The following SLC2A5 variants were observed in gnomAD, a reference collection of about 807,000 sequenced individuals.
SLC2A5 encodes the protein solute carrier family 2 member 5, also known as solute carrier family 2, facilitated glucose transporter member 5.
SLC2A5 carries 56 observed loss-of-function variants against 50.3 expected under a neutral mutation model. The observed-to-expected ratio is 1.11, with a 90% confidence interval of 0.90 to 1.39. SLC2A5 has a LOEUF of 1.39. Ranked by LOEUF, SLC2A5 falls within the 40% of genes most tolerant of loss-of-function variation. SLC2A5 has a pLI of 0.00. For synonymous variants in SLC2A5, 269 were observed against 281.9 expected (o/e 0.95, Z 0.46); for missense variants, 566 against 650.1 (o/e 0.87, Z 1.41).
At position 9,058,194 on chromosome 1, in the gene SLC2A5, G is replaced by A. The variant is rs1337270408; in HGVS notation, c.90C>T (p.Phe30=). 1 of 1,613,986 alleles carries A rather than the reference G, an allele frequency of 6.2e-7. No homozygotes were observed. The highest frequency in any genetic ancestry group is 1.7e-5 in the Admixed American group (1 of 59,998). The change falls in exon 2 of 12, where the codon TTC becomes TTT. Residue 30 remains phenylalanine, a synonymous_variant. Transcript: ENST00000377424. ...ATLIAAFGSS[F]QYGYNVAAVN... ...CAGCAGCCACGTTGTACCCATACTGGAAGGATGACCCAAAGGCAGCTATCA... is the reference window on the plus strand; with the variant it reads ...CAGCAGCCACGTTGTACCCATACTGAAAGGATGACCCAAAGGCAGCTATCA...
At position 9,040,423 on chromosome 1, in the gene SLC2A5, G is replaced by T; in HGVS notation, c.572-234C>A. 1 of 542,154 alleles carries T rather than the reference G, an allele frequency of 1.8e-6. No individual in the cohort carries two copies. Among genetic ancestry groups the T allele is most frequent in the Non-Finnish European group, 3.3e-6 (1 of 305,442 alleles). The allele number at this position is 542,154 out of a possible 1,614,324, so 33.6% of individuals were successfully genotyped here. A position where few individuals can be genotyped will look rare whatever the true frequency, so the allele number is the denominator to read the frequency against. On this transcript the variant is annotated intron_variant, in intron 5 of 11. Transcript: ENST00000377424. The surrounding 1 kb of genome is among the most constrained non-coding windows in gnomAD (Gnocchi z 4.3). ...TCAGACAGACCACACCGACGAGGCC[G>T]GTAATACCATGTGCTGGTGAGAACG...
At chr1:9,041,216 G>A (rs530007841) in intron 5 of SLC2A5, 13 of 396,538 alleles carry the variant, frequency 3.3e-5, no homozygotes, top group Middle Eastern at 6.2e-4. Flanking sequence ...AGGGAAAGTC[G>A]TGCAAAAACA....
At chr1:9,081,294 A>C (rs1642349502) in intron 2 of SLC2A5, among the ~76,000 whole-genome samples, 3 of 149,848 alleles carry the variant, frequency 2.0e-5, no homozygotes, top group African/African-American at 7.4e-5. Context: ...AAAAAAAAAA[A>C]ACACGACCAA....
At chr1:9,047,885 G>A in intron 3 of SLC2A5, 151 bp from the exon 4 acceptor site, 1 of 760,412 alleles carries the variant, frequency 1.3e-6, no homozygotes, top group South Asian at 1.7e-5. Flanking sequence ...GACTGATACA[G>A]GTCAAGTGCA....
At chr1:9,087,049 A>G (rs1024269770) in intron 1 of SLC2A5, among the ~76,000 whole-genome samples, 1 of 152,306 alleles carries the variant, frequency 6.6e-6, no homozygotes, top group East Asian at 1.9e-4. Context: ...TTCCGAATCT[A>G]TGATAAGTCC....
upstream of SLC2A5, chr1:9,072,400 A>T (rs1322029920): frequency 6.6e-6 from 1 of 151,766 alleles, no homozygotes; most frequent in African/African-American, 2.4e-5. Context: ...AAATAAAAAA[A>T]ATTAAAAATT....
Position 9,059,985 on chromosome 1 carries a change from TACACACACAC to T in SLC2A5, c.34-1745_34-1736del, listed in dbSNP as rs35876125. Among the ~76,000 whole-genome samples the T allele has an allele frequency of 2.8e-5, 4 of 141,626 alleles. No homozygotes were observed. In the East Asian group the frequency reaches 6.2e-4, roughly 22 times the overall value. The allele number at this position is 141,626 out of a possible 152,430, so 92.9% of individuals were successfully genotyped here. On this transcript the variant is annotated intron_variant, in intron 1 of 11. Transcript: ENST00000377424. ...GCCCTGGTGAAGAGCAAAAACATACTACACACACACACACACACACACACACACTACACAC... is the reference window on the plus strand; with the variant it reads ...GCCCTGGTGAAGAGCAAAAACATACTACACACACACACACACACTACACAC...
intron 1 of SLC2A5, 56 bp from the exon 2 acceptor site, chr1:9,058,306 G>T (rs183258035): frequency 1.7e-6 from 2 of 1,194,740 alleles, no homozygotes; most frequent in Admixed American, 1.7e-5. Flanking sequence ...GGGCCCTCCC[G>T]CTTTACTTCG....
chr1:9,054,863 G>A (rs569278840), intron 3 of SLC2A5, among the ~76,000 whole-genome samples: 1 of 152,278 alleles, frequency 6.6e-6, no homozygotes, highest in African/African-American at 2.4e-5. Context: ...GTTCAAGGCT[G>A]CAATGAGCTG....
chr1:9,069,378 A>G (rs902619243), intron 1 of SLC2A5, 126 bp downstream of exon 1: 6 of 972,272 alleles, frequency 6.2e-6, no homozygotes, highest in Non-Finnish European at 9.6e-6. Flanking sequence ...TCTCCCCACC[A>G]TAATCCCTCC....
chr1:9,078,969 G>A (rs935541027), intron 2 of SLC2A5, among the ~76,000 whole-genome samples: 3 of 152,218 alleles, frequency 2.0e-5, no homozygotes, highest in Non-Finnish European at 4.4e-5. Flanking sequence ...AGTGTATCTC[G>A]TCTGGGGAAG....
intron 1 of SLC2A5, among the ~76,000 whole-genome samples, chr1:9,069,174 T>A: frequency 6.6e-6 from 1 of 152,178 alleles, no homozygotes; most frequent in East Asian, 1.9e-4. Context: ...GCGAAACATC[T>A]CACCAACCAT....
At chr1:9,042,655 G>GGTGTGT (rs141485120) in intron 4 of SLC2A5, among the ~76,000 whole-genome samples, 1 of 136,736 alleles carries the variant, frequency 7.3e-6, no homozygotes, top group East Asian at 2.1e-4. Flanking sequence ...GTGTGGCCTG[G>GGTGTGT]GTGTGTGTGT....
intron 2 of SLC2A5, among the ~76,000 whole-genome samples, chr1:9,076,745 C>T (rs1216456432): frequency 6.6e-6 from 1 of 151,744 alleles, no homozygotes; most frequent in South Asian, 2.1e-4. Flanking sequence ...TTCAAGTTGC[C>T]CTGAATTTAT....
In SLC2A5 at chr1:9,037,959, C is replaced by T; in HGVS notation, c.1240G>A (p.Val414Met). ...LQSSRPSAFM[V>M]GGSVHWLSNF... ...GAGAGCCAGTGCACACTGCCCCCCACCATGAAGGCAGATGGCCGAGAGGAC... is the reference window on the plus strand; with the variant it reads ...GAGAGCCAGTGCACACTGCCCCCCATCATGAAGGCAGATGGCCGAGAGGAC... Residue 414 changes from valine to methionine, a missense_variant, in exon 11 of 12, where the codon GTG (valine) becomes ATG (methionine). Physicochemically the swap from Val to Met is conservative, Grantham distance 21. Transcript: ENST00000377424. 6.2e-7 allele frequency: 1 copy of T among 1,614,006 alleles called. No homozygotes were observed. Among genetic ancestry groups the T allele is most frequent in the Non-Finnish European group, 8.5e-7 (1 of 1,180,030 alleles).
intron 1 of SLC2A5, among the ~76,000 whole-genome samples, chr1:9,064,408 T>C (rs1642030162): frequency 6.6e-6 from 1 of 152,038 alleles, no homozygotes. Flanking sequence ...GGTCTCTCCT[T>C]AGAGGCTAAG....
intron 3 of SLC2A5, among the ~76,000 whole-genome samples, chr1:9,050,826 A>G (rs1641554541): frequency 6.6e-6 from 1 of 152,236 alleles, no homozygotes; most frequent in Admixed American, 6.5e-5. Context: ...TTGAGATAAA[A>G]ATGTCATAAA....
rs548103860 is a variant in SLC2A5 at position 9,066,236 on chromosome 1, GT to G, written c.33+3267del. Among the ~76,000 whole-genome samples the G allele has an allele frequency of 6.7e-5, 10 of 148,746 alleles. No individual in the cohort carries two copies. In the South Asian group the frequency reaches 1.1e-3, roughly 16 times the overall value. ...GGGGAACTTTATTCAACAATCCTTT[GT>G]TTTTTTTTTGAGACAGAATCTCACT... On this transcript the variant is annotated intron_variant, in intron 1 of 11. Coordinates refer to ENST00000377424, the MANE Select transcript of SLC2A5 (RefSeq NM_003039.3).
chr1:9,043,533 TAAC>T (rs1192616057), intron 4 of SLC2A5, among the ~76,000 whole-genome samples: 1 of 152,074 alleles, frequency 6.6e-6, no homozygotes, highest in Non-Finnish European at 1.5e-5. Flanking sequence ...CCTCACCACT[TAAC>T]AAGAGCCACT....
Sources: allele counts gnomAD v4.1 joint callset (sites outside exome capture counted in the v4.1 genomes callset), GRCh38; gene constraint gnomAD v4.1.1; non-coding constraint Gnocchi (gnomAD v3.1); transcripts MANE v1.5; gene names NCBI Gene and HGNC (gene_info 2026-07-23, HGNC 2026-07-21).